Variants in KCNT1 observed in about 807,000 individuals in gnomAD.
KCNT1 encodes potassium channel subfamily T member 1.
Under a neutral mutation model 147.8 loss-of-function variants are expected in KCNT1, and 78 were observed. The ratio of observed to expected loss-of-function variants is 0.53; its 90% CI spans 0.44 to 0.64. The LOEUF is 0.64. Ranked by LOEUF, KCNT1 falls within the 30% of genes least tolerant of loss-of-function variation. KCNT1 has a pLI of 0.00. For synonymous variants in KCNT1, 867 were observed against 748.8 expected, an observed-to-expected ratio of 1.16 and a Z score of -2.58; for missense variants, 1,419 against 1,750.3, an observed-to-expected ratio of 0.81 and a Z score of 3.38.
Position 135,792,277 on chromosome 9 carries a change from C to A in KCNT1, c.*116C>A. On this transcript the variant is annotated 3_prime_UTR_variant, in exon 31 of 31. Coordinates refer to ENST00000371757, the MANE Select transcript of KCNT1 (RefSeq NM_020822.3). ...CCCTGGGGATGGCACACTCTACTCA[C>A]CATGGCTCCTGGGACTCCACCCTGG... The A allele has an allele frequency of 7.6e-7, 1 of 1,317,658 alleles. No individual in the cohort carries two copies. Among genetic ancestry groups the A allele is most frequent in the Non-Finnish European group, 1.0e-6 (1 of 984,034 alleles). The allele number at this position is 1,317,658 out of a possible 1,614,324, so 81.6% of individuals were successfully genotyped here.
chr9:135,708,393 G>A (rs751164965), intron 1 of KCNT1, among the ~76,000 whole-genome samples: 7 of 152,206 alleles, frequency 4.6e-5, no homozygotes, highest in Non-Finnish European at 8.8e-5. Context: ...CAGCATGCAT[G>A]TGCGTATTTA....
rs1366695675 is a variant in KCNT1, at chr9:135,714,549, G to A, written c.111-28G>A. ...GCGTCCGCGAGGGCGCCCGACGCGG[G>A]CTGAGGGGCGCTGGCGTGTGCCCGC... On this transcript the variant is annotated intron_variant, in intron 1 of 30. Coordinates refer to ENST00000371757, the MANE Select transcript of KCNT1 (RefSeq NM_020822.3). This position sits in a 1 kb window ranked among gnomAD's most constrained non-coding sequence, Gnocchi z 6.2. 7 of 1,094,166 alleles carry A rather than the reference G, an allele frequency of 6.4e-6. No individual in the cohort carries two copies. In the African/African-American group the frequency reaches 1.2e-4, roughly 19 times the overall value. The allele number at this position is 1,094,166 out of a possible 1,614,324, so 67.8% of individuals were successfully genotyped here.
intron 2 of KCNT1, among the ~76,000 whole-genome samples, chr9:135,724,190 A>T (rs1271751597): frequency 3.9e-5 from 6 of 152,346 alleles, no homozygotes; most frequent in African/African-American, 1.4e-4. Context: ...CCTCAGGGTC[A>T]GGCCTCCAGG....
At chr9:135,718,479 G>A (rs1835804990) in intron 2 of KCNT1, among the ~76,000 whole-genome samples, 1 of 152,224 alleles carries the variant, frequency 6.6e-6, no homozygotes, top group South Asian at 2.1e-4. Context: ...CCCGGACACG[G>A]CAGCACAGGC....
At chr9:135,715,523 G>A (rs1021851785) in intron 2 of KCNT1, among the ~76,000 whole-genome samples, 1 of 73,620 alleles carries the variant, frequency 1.4e-5, no homozygotes, top group Non-Finnish European at 2.9e-5. Flanking sequence ...TGTAGGGTAC[G>A]GCAGGGTCGG....
In KCNT1 at chr9:135,702,210, C is replaced by A; in HGVS notation, c.-49C>A. The A allele has an allele frequency of 2.2e-6, 3 of 1,345,356 alleles. No individual in the cohort carries two copies. Among genetic ancestry groups the A allele is most frequent in the Non-Finnish European group, 3.2e-6 (3 of 951,720 alleles). The allele number at this position is 1,345,356 out of a possible 1,614,324, so 83.3% of individuals were successfully genotyped here. On this transcript the variant is annotated 5_prime_UTR_variant, in exon 1 of 31. Coordinates refer to ENST00000371757, the MANE Select transcript of KCNT1 (RefSeq NM_020822.3). ...AGGGCAACGCGAGGGAAGAAGGTGG[C>A]GGCTCCCACTCGCTTCTCCCTCGGG...
chr9:135,711,373 A>G (rs561004), intron 1 of KCNT1, among the ~76,000 whole-genome samples: 136,748 of 152,218 alleles, frequency 0.9, 61,836 homozygotes, highest in East Asian at 0.98. Flanking sequence ...AGCACAGCCC[A>G]AGGTGAACCT....
chr9:135,785,459 G>A lies in KCNT1; in HGVS notation c.3177+129G>A, dbSNP rs146429987. 0.022 allele frequency: 26,541 copies of A among 1,180,586 alleles called. 351 individuals are homozygous for A. Among genetic ancestry groups the A allele is most frequent in the Non-Finnish European group, 0.026 (21,433 of 825,126 alleles). The allele number at this position is 1,180,586 out of a possible 1,614,324, so 73.1% of individuals were successfully genotyped here. On this transcript the variant is annotated intron_variant, in intron 28 of 30. Transcript: ENST00000371757. ...GCCCTGGGAAAGCCGAGGCAGGAGC[G>A]GGTCCCACGGATGTGTCGGCCCCAG...
chr9:135,770,529 G>T, intron 17 of KCNT1, 82 bp downstream of exon 17: 1 of 1,512,556 alleles, frequency 6.6e-7, no homozygotes, highest in Non-Finnish European at 8.9e-7. Flanking sequence ...GTCAGGCACA[G>T]GGGTGGCCCT....
In KCNT1 at chr9:135,714,733, C is replaced by A; in HGVS notation, c.254+13C>A. The A allele has an allele frequency of 7.4e-7, 1 of 1,358,502 alleles. No individual in the cohort carries two copies. The highest frequency in any genetic ancestry group is 9.6e-7 in the Non-Finnish European group (1 of 1,043,066). 84.2% of individuals were successfully genotyped at this position (1,358,502 alleles called of 1,614,324 possible). ...AGAACGACGACAGGTAGGGACCGGG[C>A]GCGGGGTGGGGGCTGGGGTCGCCGT... On this transcript the variant is annotated intron_variant, in intron 2 of 30. Transcript: ENST00000371757. This position sits in a 1 kb window ranked among gnomAD's most constrained non-coding sequence, Gnocchi z 6.2.
At chr9:135,733,162 G>A (rs1199605646) in intron 2 of KCNT1, among the ~76,000 whole-genome samples, 7 of 151,396 alleles carry the variant, frequency 4.6e-5, no homozygotes, top group Admixed American at 4.6e-4. Context: ...GTTGTCCTGG[G>A]TTAGTGCAGC....
chr9:135,751,106 G>T, intron 4 of KCNT1, 65 bp downstream of exon 4: 1 of 1,450,108 alleles, frequency 6.9e-7, no homozygotes, highest in Non-Finnish European at 9.6e-7. Flanking sequence ...CCACTGGGCC[G>T]TTACAGAAGC....
At chr9:135,723,431 C>T (rs527338754) in intron 2 of KCNT1, among the ~76,000 whole-genome samples, 2 of 152,372 alleles carry the variant, frequency 1.3e-5, no homozygotes, top group South Asian at 4.1e-4. Context: ...ACTGCCATTG[C>T]CCGAGGCTTG....
chr9:135,767,397 G>A lies in KCNT1; in HGVS notation c.1338-1213G>A, dbSNP rs567348122. 3.3e-5 allele frequency among the ~76,000 whole-genome samples: 5 copies of A among 151,160 alleles called. No individual in the cohort carries two copies. In the South Asian group the frequency reaches 1.1e-3, roughly 32 times the overall value. On this transcript the variant is annotated intron_variant, in intron 13 of 30. Transcript: ENST00000371757. ...GTGATGTGGTGGGGTTCCCTGCCCT[G>A]GGGCAGAGGCGACAGTTTCTTAGAC...
chr9:135,778,561 C>G (rs1833348922), intron 22 of KCNT1, 66 bp downstream of exon 22: 1 of 1,603,996 alleles, frequency 6.2e-7, no homozygotes, highest in Admixed American at 1.7e-5. Context: ...CTTCCAAAGT[C>G]TGGGGTGACC....
At chr9:135,748,760 G>A (rs964149665) in intron 2 of KCNT1, among the ~76,000 whole-genome samples, 13 of 152,198 alleles carry the variant, frequency 8.5e-5, no homozygotes, top group Admixed American at 2.0e-4. Context: ...TGTGGCCCTC[G>A]CGCTGCACTG....
chr9:135,769,345 G>A (rs1832583749), intron 15 of KCNT1, among the ~76,000 whole-genome samples: 2 of 152,198 alleles, frequency 1.3e-5, no homozygotes, highest in Admixed American at 1.3e-4. Flanking sequence ...CAGGGCGCAT[G>A]TGCACGCAGT....
In KCNT1 at chr9:135,752,998, G is replaced by GTGGA. The variant is rs1044036175; in HGVS notation, c.435-926_435-923dup. Among the ~76,000 whole-genome samples, 6 of 149,672 alleles carry GTGGA rather than the reference G, an allele frequency of 4.0e-5. No individual in the cohort carries two copies. The highest frequency in any genetic ancestry group is 1.5e-4 in the African/African-American group (6 of 40,432). On this transcript the variant is annotated intron_variant, in intron 4 of 30. Transcript: ENST00000371757. This position sits in a 1 kb window ranked among gnomAD's most constrained non-coding sequence, Gnocchi z 5.1. ...GATGAGCAGATGGTTGGAGGGATGAGTGGATGGATGGATGGAGGGATGGAT... is the reference window on the plus strand; with the variant it reads ...GATGAGCAGATGGTTGGAGGGATGAGTGGATGGATGGATGGATGGAGGGATGGAT...
Position 135,785,364 on chromosome 9 carries a change from C to T in KCNT1, c.3177+34C>T, listed in dbSNP as rs374018067. ...CCCCTCCGTGCCCACGCAGCTTCTG[C>T]GGAGCACCAGAACATCGCAGCTTCA... On this transcript the variant is annotated intron_variant, in intron 28 of 30. Coordinates refer to ENST00000371757, the MANE Select transcript of KCNT1 (RefSeq NM_020822.3). 2.7e-4 allele frequency: 435 copies of T among 1,612,590 alleles called. 3 individuals carry two copies. The South Asian group carries it at 4.2e-3, about 16-fold the overall frequency.
Sources: gnomAD v4.1 joint callset for allele counts (sites outside exome capture counted in the v4.1 genomes callset) on GRCh38, gnomAD v4.1.1 for gene constraint, Gnocchi (gnomAD v3.1) non-coding constraint, MANE v1.5 for transcripts, NCBI Gene and HGNC (gene_info 2026-07-23, HGNC 2026-07-21) for gene names.